Variants in TMED10 observed in about 807,000 individuals in gnomAD.
The protein encoded by TMED10 is transmembrane p24 trafficking protein 10.
TMED10 carries 7 observed loss-of-function variants against 23.1 expected under a neutral mutation model. The ratio of observed to expected loss-of-function variants is 0.30; its 90% CI spans 0.17 to 0.57. The LOEUF is 0.57. TMED10 is among the 20% of genes least tolerant of loss of function. TMED10 has a pLI of 0.91. For synonymous variants in TMED10, 113 were observed against 106.9 expected (o/e 1.06, Z -0.35); for missense variants, 162 against 274.8 (o/e 0.59, Z 2.90).
intron 3 of TMED10, 129 bp downstream of exon 3, chr14:75,147,535 T>C (rs892299138): frequency 3.0e-5 from 29 of 965,174 alleles, no homozygotes; most frequent in East Asian, 1.7e-4. Flanking sequence ...AGATCATGGC[T>C]GGCTGTCACA....
intron 2 of TMED10, chr14:75,147,988 C>T (rs1895909613): frequency 3.6e-6 from 2 of 554,860 alleles, no homozygotes; most frequent in South Asian, 4.0e-5. Flanking sequence ...CATCTCTGAG[C>T]AGGCAAGGAC....
intron 1 of TMED10, among the ~76,000 whole-genome samples, chr14:75,172,831 T>C (rs556085817): frequency 2.0e-5 from 3 of 152,344 alleles, no homozygotes; most frequent in African/African-American, 7.2e-5. Context: ...GAACTCACTA[T>C]ACTATTCCCT....
Position 75,134,748 on chromosome 14 carries a change from A to G in TMED10, c.*137T>C. On this transcript the variant is annotated 3_prime_UTR_variant, in exon 5 of 5. Transcript: ENST00000303575. ...TAGGTGGTACCCCATGTCCTCCCAC[A>G]CCAAAAGAGATCAGTTCTGGCAAGA... 2 of 1,201,668 alleles carry G rather than the reference A, an allele frequency of 1.7e-6. No individual in the cohort carries two copies. Among genetic ancestry groups the G allele is most frequent in the South Asian group, 2.8e-5 (2 of 72,196 alleles). The allele number at this position is 1,201,668 out of a possible 1,614,324, so 74.4% of individuals were successfully genotyped here.
chr14:75,157,074 C>G (rs1896029182), intron 1 of TMED10, among the ~76,000 whole-genome samples: 1 of 152,132 alleles, frequency 6.6e-6, no homozygotes, highest in Admixed American at 6.5e-5. Flanking sequence ...AGAATGACTG[C>G]TGGGTAGCAC....
intron 3 of TMED10, among the ~76,000 whole-genome samples, chr14:75,146,704 A>G (rs1895886609): frequency 6.6e-6 from 1 of 152,182 alleles, no homozygotes; most frequent in African/African-American, 2.4e-5. Flanking sequence ...AATAAGTGTC[A>G]GTTTTTATTA....
chr14:75,152,230 A>G (rs1895963305), intron 1 of TMED10, 87 bp from the exon 2 acceptor site: 4 of 991,592 alleles, frequency 4.0e-6, no homozygotes, highest in Admixed American at 2.2e-5. Context: ...GACACTATCT[A>G]TGAAAGACAA....
rs146989082 is a variant in TMED10, at chr14:75,170,763, T to C, written c.225+5592A>G. ...TCTGCATTTATCCTACCAATGTGAA[T>C]GATAAATTTTAGGATAATCAGATGA... On this transcript the variant is annotated intron_variant, in intron 1 of 4. Coordinates refer to ENST00000303575, the MANE Select transcript of TMED10 (RefSeq NM_006827.6). Among the ~76,000 whole-genome samples, 300 of 152,356 alleles carry C rather than the reference T, an allele frequency of 2.0e-3. 2 individuals carry two copies. The highest frequency in any genetic ancestry group is 6.7e-3 in the African/African-American group (277 of 41,578).
chr14:75,158,061 G>A (rs914624093), intron 1 of TMED10, among the ~76,000 whole-genome samples: 1 of 152,210 alleles, frequency 6.6e-6, no homozygotes, highest in Non-Finnish European at 1.5e-5. Context: ...GAAAAAAGAG[G>A]AATGTACAGT....
chr14:75,147,516 G>A, intron 3 of TMED10, 148 bp downstream of exon 3: 1 of 857,984 alleles, frequency 1.2e-6, no homozygotes, highest in Non-Finnish European at 1.9e-6. Context: ...ACCACTTTTT[G>A]TATCAGTAAG....
rs1342361315 is a variant in TMED10 at position 75,131,585 on chromosome 14, TTA to T, written c.*3298_*3299del. On this transcript the variant is annotated 3_prime_UTR_variant, in exon 5 of 5. Transcript: ENST00000303575. ...TTCCCAAACAAACCAAGAAATGGCTTTATGACAGGGGTCCATGACAATGGTAT... is the reference window on the plus strand; with the variant it reads ...TTCCCAAACAAACCAAGAAATGGCTTTGACAGGGGTCCATGACAATGGTAT... 1.3e-5 allele frequency: 2 copies of T among 152,594 alleles called. No homozygotes were observed. Among genetic ancestry groups the T allele is most frequent in the African/African-American group, 2.4e-5 (1 of 41,446 alleles). The allele number at this position is 152,594 out of a possible 1,614,324, so 9.5% of individuals were successfully genotyped here. A position where few individuals can be genotyped will look rare whatever the true frequency, so the allele number is the denominator to read the frequency against.
At chr14:75,150,130 T>C (rs1161006735) in intron 2 of TMED10, among the ~76,000 whole-genome samples, 2 of 152,058 alleles carry the variant, frequency 1.3e-5, no homozygotes, top group Non-Finnish European at 2.9e-5. Context: ...TTCTTTTGGA[T>C]AGACTGGAAA....
intron 1 of TMED10, among the ~76,000 whole-genome samples, chr14:75,170,122 G>T (rs959051459): frequency 6.6e-6 from 1 of 152,146 alleles, no homozygotes; most frequent in Non-Finnish European, 1.5e-5. Context: ...AGCTACTTGG[G>T]AGGCTGAGGC....
At chr14:75,163,882 C>T (rs549125412) in intron 1 of TMED10, among the ~76,000 whole-genome samples, 157 of 152,058 alleles carry the variant, frequency 1.0e-3, no homozygotes, top group Non-Finnish European at 1.8e-3. Context: ...GTGCCAGCCT[C>T]CTGAGTAGCT....
At position 75,132,384 on chromosome 14, in the gene TMED10, T is replaced by TA. The variant is rs1555355307; in HGVS notation, c.*2500_*2501insT. The TA allele has an allele frequency of 1.9e-5, 1 of 52,890 alleles. No individual in the cohort carries two copies. Among genetic ancestry groups the TA allele is most frequent in the African/African-American group, 7.8e-5 (1 of 12,878 alleles). 3.3% of individuals were successfully genotyped at this position (52,890 alleles called of 1,614,324 possible). On this transcript the variant is annotated 3_prime_UTR_variant, in exon 5 of 5. Transcript: ENST00000303575. ...GCCTGGGCGTTGCAGCAAGACTCCG[T>TA]CCCCCCCCCCCCAAAAAAAAAAAAG...
chr14:75,165,752 T>C (rs757930199), intron 1 of TMED10, among the ~76,000 whole-genome samples: 1 of 152,198 alleles, frequency 6.6e-6, no homozygotes, highest in Non-Finnish European at 1.5e-5. Flanking sequence ...CAACACTAAA[T>C]TCTTTCAAAT....
chr14:75,147,363 T>A (rs765788724), intron 3 of TMED10, among the ~76,000 whole-genome samples: 1 of 152,044 alleles, frequency 6.6e-6, no homozygotes, highest in Admixed American at 6.6e-5. Flanking sequence ...CTGGCTAATT[T>A]TTGTATTTTT....
chr14:75,138,812 C>CTTTTTTTTTTTTTTTTTTTT (rs59707221), intron 3 of TMED10, among the ~76,000 whole-genome samples: 4 of 95,040 alleles, frequency 4.2e-5, no homozygotes, highest in Non-Finnish European at 6.4e-5. Context: ...GCCTTTGCTT[C>CTTTTTTTTTTTTTTTTTTTT]TTTTTTTTTT....
At chr14:75,176,318 G>A (rs775231743) in intron 1 of TMED10, 37 bp downstream of exon 1, 1 of 1,610,936 alleles carries the variant, frequency 6.2e-7, no homozygotes, top group South Asian at 1.1e-5. Context: ...TAAGCCTGCC[G>A]TCTTCCCTCC....
At chr14:75,156,545 C>A (rs2139847571) in intron 1 of TMED10, among the ~76,000 whole-genome samples, 1 of 152,254 alleles carries the variant, frequency 6.6e-6, no homozygotes, top group South Asian at 2.1e-4. Context: ...ACTGCCATGG[C>A]ACTCCAGGTT....
Sources: gnomAD v4.1 joint callset for allele counts (sites outside exome capture counted in the v4.1 genomes callset) on GRCh38, gnomAD v4.1.1 for gene constraint, MANE v1.5 for transcripts, NCBI Gene and HGNC (gene_info 2026-07-23, HGNC 2026-07-21) for gene names.